Variants in DPYD observed in about 807,000 individuals in gnomAD.
DPYD encodes the protein dihydropyrimidine dehydrogenase.
In DPYD, 109 loss-of-function variants were observed where a neutral mutation model predicts 116.2. That is an observed-to-expected ratio of 0.94 (90% CI 0.80 to 1.10). DPYD has a LOEUF of 1.10. DPYD is among the 50% of genes least tolerant of loss of function. The pLI is 0.00. For missense variants in DPYD, 1,302 were observed against 1,254.5 expected (o/e 1.04, Z -0.57); for synonymous variants, 440 against 432.0 (o/e 1.02, Z -0.23).
At chr1:97,756,526 AGAG>A (rs1307206886) in intron 3 of DPYD, among the ~76,000 whole-genome samples, 1 of 152,228 alleles carries the variant, frequency 6.6e-6, no homozygotes, top group African/African-American at 2.4e-5. Context: ...AGAAAGAAGA[AGAG>A]AAACTTATTT....
intron 14 of DPYD, among the ~76,000 whole-genome samples, chr1:97,443,114 C>G (rs1015864375): frequency 2.0e-5 from 3 of 152,162 alleles, no homozygotes; most frequent in Non-Finnish European, 2.9e-5. Flanking sequence ...ACTCTAAGCC[C>G]TCTGCCTTTA....
chr1:97,378,254 G>A (rs1671748960), intron 15 of DPYD, among the ~76,000 whole-genome samples: 2 of 152,134 alleles, frequency 1.3e-5, no homozygotes, highest in Non-Finnish European at 2.9e-5. Flanking sequence ...TCCTGTTACT[G>A]TCCCTGTTCA....
At chr1:97,493,589 T>C (rs1481729059) in intron 13 of DPYD, among the ~76,000 whole-genome samples, 3 of 152,076 alleles carry the variant, frequency 2.0e-5, no homozygotes, top group African/African-American at 7.2e-5. Flanking sequence ...TTATGATTCA[T>C]GGGATGTAAA....
At chr1:97,169,523 TTTTTATTTTA>T (rs11275458) in intron 20 of DPYD, among the ~76,000 whole-genome samples, 33 of 143,016 alleles carry the variant, frequency 2.3e-4, no homozygotes, top group Middle Eastern at 3.2e-3. Context: ...ATTGGGTTAA[TTTTTATTTTA>T]TTTTATTTTA....
intron 8 of DPYD, among the ~76,000 whole-genome samples, chr1:97,626,620 A>G (rs1234792308): frequency 1.3e-5 from 2 of 152,048 alleles, no homozygotes; most frequent in Non-Finnish European, 2.9e-5. Flanking sequence ...GTCTTCTAAA[A>G]CAATGTTAAA....
At chr1:97,088,458 G>A (rs1649673663) in intron 21 of DPYD, among the ~76,000 whole-genome samples, 1 of 152,148 alleles carries the variant, frequency 6.6e-6, no homozygotes, top group Non-Finnish European at 1.5e-5. Context: ...TAATTTTTCC[G>A]ATGTTTTGCC....
intron 16 of DPYD, among the ~76,000 whole-genome samples, chr1:97,337,627 A>G (rs1002202785): frequency 2.0e-5 from 3 of 149,412 alleles, no homozygotes; most frequent in African/African-American, 7.4e-5. Flanking sequence ...TACCAGGGCT[A>G]AGTTGAAGGC....
intron 20 of DPYD, among the ~76,000 whole-genome samples, chr1:97,167,056 TA>T (rs1656378567): frequency 6.6e-6 from 1 of 152,142 alleles, no homozygotes; most frequent in South Asian, 2.1e-4. Context: ...TTTAGATTTA[TA>T]AAAAATATGA....
At chr1:97,113,453 A>C (rs1651747890) in intron 20 of DPYD, among the ~76,000 whole-genome samples, 1 of 152,096 alleles carries the variant, frequency 6.6e-6, no homozygotes, top group South Asian at 2.1e-4. Flanking sequence ...TTAATGAATA[A>C]ATTGAGTTTG....
intron 8 of DPYD, among the ~76,000 whole-genome samples, chr1:97,601,528 G>A (rs760298343): frequency 6.6e-4 from 101 of 152,058 alleles, no homozygotes; most frequent in Non-Finnish European, 1.2e-3. Context: ...TCAAGCCCAA[G>A]CAGTTGAGAT....
chr1:97,318,796 C>T (rs1668033211), intron 16 of DPYD, among the ~76,000 whole-genome samples: 1 of 149,600 alleles, frequency 6.7e-6, no homozygotes, highest in Non-Finnish European at 1.5e-5. Context: ...CAGCACCACA[C>T]CACACCTATT....
At chr1:97,128,072 A>G (rs1570506811) in intron 20 of DPYD, among the ~76,000 whole-genome samples, 1 of 152,292 alleles carries the variant, frequency 6.6e-6, no homozygotes, top group East Asian at 1.9e-4. Flanking sequence ...TAGTATTTCT[A>G]TTCTGTATCC....
Position 97,617,988 on chromosome 1 carries a change from G to C in DPYD, c.851-22822C>G, listed in dbSNP as rs148822173. On this transcript the variant is annotated intron_variant, in intron 8 of 22. Coordinates refer to ENST00000370192, the MANE Select transcript of DPYD (RefSeq NM_000110.4). ...GGTCCCCAAAATGTAAGTCATACCAGGGTCAGATCTGCTGTAGGTCTGATA... is the reference window on the plus strand; with the variant it reads ...GGTCCCCAAAATGTAAGTCATACCACGGTCAGATCTGCTGTAGGTCTGATA... Among the ~76,000 whole-genome samples, 1,124 of 152,264 alleles carry C rather than the reference G, an allele frequency of 7.4e-3. 7 individuals carry two copies. The highest frequency in any genetic ancestry group is 0.013 in the Non-Finnish European group (856 of 68,022).
intron 7 of DPYD, 152 bp from the exon 8 acceptor site, chr1:97,679,334 T>A: frequency 1.9e-6 from 1 of 533,618 alleles, no homozygotes; most frequent in Non-Finnish European, 3.4e-6. Flanking sequence ...TATATAGGTT[T>A]ACATACACAA....
In DPYD at chr1:97,082,479, A is replaced by G. The variant is rs1281689660; in HGVS notation, c.2767-9T>C. ...GCTTTTCCTATTACATCCTAAAAAT[A>G]GCCACTGAATTACTTAGCAAGCTCA... On this transcript the variant is annotated splice_polypyrimidine_tract_variant and intron_variant, in intron 21 of 22. Transcript: ENST00000370192. 4 of 1,613,060 alleles carry G rather than the reference A, an allele frequency of 2.5e-6. No homozygotes were observed. The highest frequency in any genetic ancestry group is 3.4e-6 in the Non-Finnish European group (4 of 1,179,460).
chr1:97,397,750 AT>A (rs1673095931), intron 14 of DPYD, among the ~76,000 whole-genome samples: 1 of 152,180 alleles, frequency 6.6e-6, no homozygotes, highest in African/African-American at 2.4e-5. Context: ...ACCAAAGTTT[AT>A]AATTCACCTA....
At chr1:97,259,887 T>C (rs536116541) in intron 18 of DPYD, among the ~76,000 whole-genome samples, 19 of 152,276 alleles carry the variant, frequency 1.2e-4, no homozygotes, top group Admixed American at 3.9e-4. Flanking sequence ...CACATCTCTT[T>C]ACATATATAC....
At position 97,094,959 on chromosome 1, in the gene DPYD, T is replaced by A. The variant is rs114107887; in HGVS notation, c.2766+3530A>T. Among the ~76,000 whole-genome samples the A allele has an allele frequency of 3.0e-3, 458 of 152,236 alleles. 6 individuals are homozygous for A. The highest frequency in any genetic ancestry group is 0.01 in the African/African-American group (436 of 41,538). ...CCTTCCCCTACCTCTTCCATGAGGTTAATATCAGAAGGAAAAAGGAATCAT... is the reference window on the plus strand; with the variant it reads ...CCTTCCCCTACCTCTTCCATGAGGTAAATATCAGAAGGAAAAAGGAATCAT... On this transcript the variant is annotated intron_variant, in intron 21 of 22. Coordinates refer to ENST00000370192, the MANE Select transcript of DPYD (RefSeq NM_000110.4).
intron 14 of DPYD, among the ~76,000 whole-genome samples, chr1:97,399,631 T>C (rs1022437140): frequency 2.0e-5 from 3 of 152,148 alleles, no homozygotes; most frequent in African/African-American, 7.2e-5. Context: ...TGTTGAGCAG[T>C]GGTTTGTAGT....
Sources: allele counts gnomAD v4.1 joint callset (sites outside exome capture counted in the v4.1 genomes callset), GRCh38; gene constraint gnomAD v4.1.1; transcripts MANE v1.5; gene names NCBI Gene and HGNC (gene_info 2026-07-23, HGNC 2026-07-21).